CDH13: variants seen among roughly 807,000 people sequenced by gnomAD.
CDH13 encodes the protein cadherin-13.
CDH13 carries 24 observed loss-of-function variants against 63.8 expected under a neutral mutation model. The observed-to-expected ratio is 0.38, with a 90% CI of 0.27 to 0.53. The LOEUF is 0.53. Ranked by LOEUF, CDH13 falls within the 20% of genes least tolerant of loss-of-function variation. CDH13 has a pLI of 0.85. For missense variants in CDH13, 1,049 were observed against 903.1 expected (o/e 1.16, Z -2.07); for synonymous variants, 503 against 355.3 (o/e 1.42, Z -4.67).
intron 6 of CDH13, among the ~76,000 whole-genome samples, chr16:83,462,163 C>G (rs904357280): frequency 6.6e-6 from 1 of 152,196 alleles, no homozygotes; most frequent in African/African-American, 2.4e-5. Context: ...ATCTGCCTTG[C>G]AGTTCTTCAA....
At chr16:83,643,890 T>A (rs992365416) in intron 8 of CDH13, among the ~76,000 whole-genome samples, 9 of 152,204 alleles carry the variant, frequency 5.9e-5, no homozygotes, top group African/African-American at 2.2e-4. Flanking sequence ...CTACCCACGC[T>A]TTACGTACTA....
intron 3 of CDH13, among the ~76,000 whole-genome samples, chr16:83,100,717 G>T (rs2034434017): frequency 6.6e-6 from 1 of 152,184 alleles, no homozygotes; most frequent in African/African-American, 2.4e-5. Flanking sequence ...GTTAGCTCAA[G>T]CCAGGTAGGA....
chr16:83,052,673 G>A (rs1044319695), intron 3 of CDH13, among the ~76,000 whole-genome samples: 3 of 150,398 alleles, frequency 2.0e-5, no homozygotes, highest in East Asian at 2.0e-4. Context: ...CCAGCTACTC[G>A]GGAGGCTGAG....
chr16:82,684,809 G>A (rs946289326), intron 1 of CDH13, among the ~76,000 whole-genome samples: 2 of 152,230 alleles, frequency 1.3e-5, no homozygotes, highest in African/African-American at 4.8e-5. Flanking sequence ...CCCACTCAGA[G>A]CCCATACCCA....
chr16:83,376,681 G>C (rs1263790760), intron 6 of CDH13, among the ~76,000 whole-genome samples: 2 of 152,242 alleles, frequency 1.3e-5, no homozygotes, highest in East Asian at 1.9e-4. Flanking sequence ...GCATACTCTA[G>C]AGAGAGTTAG....
intron 4 of CDH13, among the ~76,000 whole-genome samples, chr16:83,198,249 T>C (rs966518870): frequency 3.3e-5 from 5 of 151,934 alleles, no homozygotes; most frequent in African/African-American, 1.2e-4. Context: ...CTCTTTTTAG[T>C]ATATTCTGAA....
intron 1 of CDH13, among the ~76,000 whole-genome samples, chr16:82,837,233 A>G (rs1038803100): frequency 2.0e-5 from 3 of 152,186 alleles, no homozygotes; most frequent in Non-Finnish European, 2.9e-5. Flanking sequence ...AGCTGAAACT[A>G]TCTTAATTAC....
chr16:83,067,314 C>T (rs1006997264), intron 3 of CDH13, among the ~76,000 whole-genome samples: 1 of 152,144 alleles, frequency 6.6e-6, no homozygotes, highest in Admixed American at 6.6e-5. Flanking sequence ...CTGAGGAATA[C>T]CTACTGTCTA....
chr16:82,755,844 TTCA>T (rs1462454090), intron 1 of CDH13, among the ~76,000 whole-genome samples: 1 of 152,210 alleles, frequency 6.6e-6, no homozygotes, highest in Non-Finnish European at 1.5e-5. Context: ...TTGTTAAATA[TTCA>T]TCATGTCAAA....
At chr16:83,371,932 A>G (rs1262832473) in intron 6 of CDH13, among the ~76,000 whole-genome samples, 1 of 152,232 alleles carries the variant, frequency 6.6e-6, no homozygotes, top group African/African-American at 2.4e-5. Flanking sequence ...ATAAATGGTA[A>G]CTAATCATCC....
At chr16:83,222,143 G>A (rs1480289785) in intron 5 of CDH13, among the ~76,000 whole-genome samples, 1 of 152,154 alleles carries the variant, frequency 6.6e-6, no homozygotes, top group Admixed American at 6.5e-5. Flanking sequence ...AACCACCTGT[G>A]TTCCTGGCCT....
rs146199796 is a variant in CDH13 at position 82,645,565 on chromosome 16, A to G, written c.45+18428A>G. Among the ~76,000 whole-genome samples, 39 of 152,204 alleles carry G rather than the reference A, an allele frequency of 2.6e-4. No individual in the cohort carries two copies. In the East Asian group the frequency reaches 7.6e-3, roughly 29 times the overall value. On this transcript the variant is annotated intron_variant, in intron 1 of 13. Transcript: ENST00000567109. The stretch of plus-strand genomic sequence containing the variant: ...TACAATGAACAGCACAGCTCCCACC[A>G]CAAAAGGTTATCCTGACCCAAATAC...
At chr16:83,444,568 C>G (rs565967543) in intron 6 of CDH13, among the ~76,000 whole-genome samples, 1 of 152,168 alleles carries the variant, frequency 6.6e-6, no homozygotes, top group Admixed American at 6.5e-5. Flanking sequence ...TCACTGAGCA[C>G]CAGAACCATG....
chr16:83,788,465 ATT>A (rs11320143), intron 13 of CDH13, among the ~76,000 whole-genome samples: 242 of 150,048 alleles, frequency 1.6e-3, no homozygotes, highest in Non-Finnish European at 1.1e-3. Flanking sequence ...TAAACATTGA[ATT>A]TTTTTTTTTA....
chr16:83,511,321 G>A (rs763749830), intron 7 of CDH13, among the ~76,000 whole-genome samples: 66 of 152,280 alleles, frequency 4.3e-4, no homozygotes, highest in Non-Finnish European at 7.6e-4. Flanking sequence ...ATTTAGCCAG[G>A]TGTAGTGGCA....
intron 1 of CDH13, among the ~76,000 whole-genome samples, chr16:82,688,467 T>C (rs1020499706): frequency 6.6e-6 from 1 of 152,222 alleles, no homozygotes; most frequent in Non-Finnish European, 1.5e-5. Context: ...TCATCACCAT[T>C]CAAGACTCTG....
intron 8 of CDH13, among the ~76,000 whole-genome samples, chr16:83,635,102 A>G (rs919505926): frequency 6.6e-6 from 1 of 152,136 alleles, no homozygotes; most frequent in African/African-American, 2.4e-5. Context: ...CTTTTTCATT[A>G]TAACCATTCT....
At chr16:83,602,107 C>CAAAAAAAAAAAAAAAAAAAAAAAAAAAAA (rs869202510) in intron 7 of CDH13, among the ~76,000 whole-genome samples, 4 of 7,960 alleles carry the variant, frequency 5.0e-4, no homozygotes, top group Middle Eastern at 0.12. Flanking sequence ...AGAACAACAA[C>CAAAAAAAAAAAAAAAAAAAAAAAAAAAAA]AAAAAAAAAA....
chr16:83,014,606 C>G (rs918160370), intron 2 of CDH13, among the ~76,000 whole-genome samples: 3 of 150,234 alleles, frequency 2.0e-5, no homozygotes, highest in Non-Finnish European at 4.4e-5. Flanking sequence ...TGGCCCATGC[C>G]TGTAATTCTA....
Sources: allele counts gnomAD v4.1 joint callset (sites outside exome capture counted in the v4.1 genomes callset), GRCh38; gene constraint gnomAD v4.1.1; transcripts MANE v1.5; gene names NCBI Gene and HGNC (gene_info 2026-07-23, HGNC 2026-07-21).